Variants in ACAA1 observed in about 807,000 individuals in gnomAD.
ACAA1 encodes the protein 3-ketoacyl-CoA thiolase, peroxisomal.
In ACAA1, 44 loss-of-function variants were observed where a neutral mutation model predicts 48.8. The ratio of observed to expected loss-of-function variants is 0.90; its 90% CI spans 0.71 to 1.16. The LOEUF (loss-of-function observed/expected upper bound fraction) is 1.16, where lower values mean the gene tolerates loss of function less well. ACAA1 is among the 50% of genes most tolerant of loss of function. The pLI is 0.00. For synonymous variants in ACAA1, 233 were observed against 226.5 expected (o/e 1.03, Z -0.26); for missense variants, 512 against 562.3 (o/e 0.91, Z 0.90).
chr3:38,125,580 T>C lies in ACAA1; in HGVS notation c.1184A>G (p.Lys395Arg). The change falls in exon 11 of 12, where the codon AAG becomes AGG. Residue 395 changes from lysine (K) to arginine (R), a missense_variant. Transcript: ENST00000333167. ...RQVITLLNEL[K>R]RRGKRAYGVV... The stretch of plus-strand genomic sequence containing the variant: ...AAAGCCTTACCTCTTCCCACGGCGC[T>C]TCAGCTCATTGAGCAGCGTGATGAC... 2 of 1,565,382 alleles carry C rather than the reference T, an allele frequency of 1.3e-6. No individual in the cohort carries two copies. The highest frequency in any genetic ancestry group is 2.4e-5 in the South Asian group (2 of 83,348).
Position 38,131,657 on chromosome 3 carries a change from A to C in ACAA1, c.404-19T>G. ...ATGCCACCTGTAACAAAAGCATTTC[A>C]TAAACATCCTTTGCCAGAGTCCACC... On this transcript the variant is annotated intron_variant, in intron 4 of 11. Transcript: ENST00000333167. The C allele has an allele frequency of 6.2e-7, 1 of 1,614,058 alleles. No homozygotes were observed. Among genetic ancestry groups the C allele is most frequent in the Non-Finnish European group, 8.5e-7 (1 of 1,179,860 alleles).
intron 7 of ACAA1, among the ~76,000 whole-genome samples, chr3:38,127,160 A>G (rs1267716108): frequency 1.3e-5 from 2 of 152,250 alleles, no homozygotes; most frequent in Non-Finnish European, 2.9e-5. Context: ...TTAAAGCACA[A>G]GGTATTTAAG....
intron 7 of ACAA1, among the ~76,000 whole-genome samples, chr3:38,127,341 C>T (rs759950684): frequency 1.3e-5 from 2 of 152,166 alleles, no homozygotes; most frequent in African/African-American, 4.8e-5. Context: ...TTGCTTTCCT[C>T]TCTGGACAGC....
rs1251055653 is a variant in ACAA1 at position 38,136,944 on chromosome 3, G to C, written c.92C>G (p.Pro31Arg). 3 of 1,544,674 alleles carry C rather than the reference G, an allele frequency of 1.9e-6. No homozygotes were observed. Among genetic ancestry groups the C allele is most frequent in the African/African-American group, 2.8e-5 (2 of 72,352 alleles). ...CACCACGTCCGCGGCCGAGGCCTGC[G>C]GGGCACCGCTCAGGCAAGGCGCGGC... The part of the protein sequence containing the change: ...PQAAPCLSGA[P>R]QASAADVVVV... Residue 31 changes from proline to arginine, a missense_variant, in exon 1 of 12, where the codon CCG (proline) becomes CGG (arginine). Coordinates refer to ENST00000333167, the MANE Select transcript of ACAA1 (RefSeq NM_001607.4).
intron 2 of ACAA1, chr3:38,134,284 T>C: frequency 7.4e-6 from 4 of 537,568 alleles, no homozygotes; most frequent in Non-Finnish European, 1.3e-5. Context: ...GGGCAGGTTG[T>C]CTGCCCTTAA....
intron 2 of ACAA1, among the ~76,000 whole-genome samples, chr3:38,136,386 C>T (rs1359800333): frequency 2.6e-5 from 4 of 152,210 alleles, no homozygotes; most frequent in Non-Finnish European, 5.9e-5. Context: ...GCCCACTCTA[C>T]ACTTTGTCTC....
At position 38,127,816 on chromosome 3, in the gene ACAA1, T is replaced by C. The variant is rs761378746; in HGVS notation, c.596A>G (p.Gln199Arg). The change falls in exon 7 of 12, where the codon CAG (glutamine) becomes CGG (arginine). Residue 199 changes from glutamine to arginine, a missense_variant. Coordinates refer to ENST00000333167, the MANE Select transcript of ACAA1 (RefSeq NM_001607.4). ...CTGGGAAGCCAGGGCAAAGGTATCC[T>C]GCTTCTCCCGTGAAATGCCAAACCG... ...AERFGISREKQDTFALASQQK... is the reference protein window; with the variant it reads ...AERFGISREKRDTFALASQQK... The C allele has an allele frequency of 7.9e-5, 128 of 1,614,028 alleles. No individual in the cohort carries two copies. The highest frequency in any genetic ancestry group is 1.0e-4 in the Non-Finnish European group (123 of 1,180,032).
chr3:38,130,988 G>A (rs1700774966), intron 5 of ACAA1, among the ~76,000 whole-genome samples: 2 of 152,226 alleles, frequency 1.3e-5, no homozygotes, highest in East Asian at 3.8e-4. Flanking sequence ...CTGGGCACCT[G>A]TGCCCTGACC....
Position 38,123,104 on chromosome 3 carries a change from G to A in ACAA1, c.1218C>T (p.Ser406=). ...RRGKRAYGVV[S]MCIGTGMGAA... is the part of the protein sequence containing the mutation. The stretch of plus-strand genomic sequence containing the variant: ...CTCCCATTCCAGTCCCGATGCACAT[G>A]GACACCACTCCGTATGCCCTGTGAA... The change falls in exon 12 of 12, where the codon TCC becomes TCT. Residue 406 remains serine, a synonymous_variant. Coordinates refer to ENST00000333167, the MANE Select transcript of ACAA1 (RefSeq NM_001607.4). The A allele has an allele frequency of 6.2e-7, 1 of 1,614,158 alleles. No homozygotes were observed. The highest frequency in any genetic ancestry group is 8.5e-7 in the Non-Finnish European group (1 of 1,180,036).
At chr3:38,136,787 G>T in intron 1 of ACAA1, 78 bp downstream of exon 1, 9 of 1,486,584 alleles carry the variant, frequency 6.1e-6, no homozygotes, top group Admixed American at 2.5e-5. Flanking sequence ...CGGCGTCCAG[G>T]ATAACCAAAC....
In ACAA1 at chr3:38,136,857, G is replaced by A; in HGVS notation, c.171+8C>T. On this transcript the variant is annotated splice_region_variant and intron_variant, in intron 1 of 11. Transcript: ENST00000333167. ...CCCACACTCGGCGCCCAGACCCTCG[G>A]GCCTCACCTTGAAGCCGCCGCGGCC... The A allele has an allele frequency of 1.3e-6, 2 of 1,523,060 alleles. No individual in the cohort carries two copies. The highest frequency in any genetic ancestry group is 1.8e-6 in the Non-Finnish European group (2 of 1,140,598). 94.3% of individuals were successfully genotyped at this position (1,523,060 alleles called of 1,614,324 possible).
intron 11 of ACAA1, chr3:38,123,606 G>A (rs934499264): frequency 6.3e-6 from 1 of 159,574 alleles, no homozygotes; most frequent in African/African-American, 2.4e-5. Context: ...AGCAGGCTGA[G>A]GCAAGAGGAT....
rs1440633006 is a variant in ACAA1 at position 38,129,038 on chromosome 3, A to C, written c.545+252T>G. On this transcript the variant is annotated intron_variant, in intron 6 of 11. Coordinates refer to ENST00000333167, the MANE Select transcript of ACAA1 (RefSeq NM_001607.4). This position sits in a 1 kb window ranked among gnomAD's most constrained non-coding sequence, Gnocchi z 5.3. ...GCTACCATTGTCCTTCCTATGACTG[A>C]GCACCTCAGTGTGGGAGTGACAAGG... Among the ~76,000 whole-genome samples, 1 of 152,158 alleles carries C rather than the reference A, an allele frequency of 6.6e-6. No individual in the cohort carries two copies. The highest frequency in any genetic ancestry group is 2.4e-5 in the African/African-American group (1 of 41,442).
intron 3 of ACAA1, among the ~76,000 whole-genome samples, chr3:38,133,231 A>G (rs1256455340): frequency 6.6e-6 from 1 of 152,180 alleles, no homozygotes; most frequent in Non-Finnish European, 1.5e-5. Context: ...CAGGGAAGAC[A>G]GTAGGCCCAC....
chr3:38,127,710 C>T, intron 7 of ACAA1, 76 bp downstream of exon 7: 1 of 1,471,466 alleles, frequency 6.8e-7, no homozygotes, highest in Non-Finnish European at 9.5e-7. Flanking sequence ...CGAAATGGTG[C>T]CACTTCAGAC....
rs1465615523 is a variant in ACAA1 at position 38,136,852 on chromosome 3, C to A, written c.171+13G>T. 2.0e-6 allele frequency: 3 copies of A among 1,520,808 alleles called. No individual in the cohort carries two copies. Among genetic ancestry groups the A allele is most frequent in the South Asian group, 2.4e-5 (2 of 81,738 alleles). The allele number at this position is 1,520,808 out of a possible 1,614,324, so 94.2% of individuals were successfully genotyped here. A position where few individuals can be genotyped will look rare whatever the true frequency, so the allele number is the denominator to read the frequency against. On this transcript the variant is annotated intron_variant, in intron 1 of 11. Transcript: ENST00000333167. ...GTCTTCCCACACTCGGCGCCCAGACCCTCGGGCCTCACCTTGAAGCCGCCG... is the reference window on the plus strand; with the variant it reads ...GTCTTCCCACACTCGGCGCCCAGACACTCGGGCCTCACCTTGAAGCCGCCG...
chr3:38,133,009 A>G (rs778151053), intron 3 of ACAA1, among the ~76,000 whole-genome samples: 1 of 152,196 alleles, frequency 6.6e-6, no homozygotes, highest in African/African-American at 2.4e-5. Context: ...TGAATCAACT[A>G]TCAGAGACTG....
In ACAA1 at chr3:38,129,397, G is replaced by A; in HGVS notation, c.447-9C>T. ...GGGACATGGACTCCACCCTGGGGAG[G>A]AGGAAGAGGAGGAGAAGGTAAGGTG... is the stretch of plus-strand genomic sequence containing the variant. On this transcript the variant is annotated splice_polypyrimidine_tract_variant and intron_variant, in intron 5 of 11. Transcript: ENST00000333167. This position sits in a 1 kb window ranked among gnomAD's most constrained non-coding sequence, Gnocchi z 5.3. 7.5e-6 allele frequency: 12 copies of A among 1,604,598 alleles called. No individual in the cohort carries two copies. Among genetic ancestry groups the A allele is most frequent in the Non-Finnish European group, 1.0e-5 (12 of 1,171,590 alleles).
chr3:38,127,069 C>T (rs1305587234), intron 7 of ACAA1, among the ~76,000 whole-genome samples: 1 of 152,170 alleles, frequency 6.6e-6, no homozygotes, highest in African/African-American at 2.4e-5. Context: ...CTCAACAGTT[C>T]GATGTCATCT....
Sources: gnomAD v4.1 joint callset for allele counts (sites outside exome capture counted in the v4.1 genomes callset) on GRCh38, gnomAD v4.1.1 for gene constraint, Gnocchi (gnomAD v3.1) non-coding constraint, MANE v1.5 for transcripts, NCBI Gene and HGNC (gene_info 2026-07-23, HGNC 2026-07-21) for gene names.